UTRN: variants seen among roughly 807,000 people sequenced by gnomAD.
UTRN encodes the protein dystrophin-related protein 1.
Under a neutral mutation model 463.9 loss-of-function variants are expected in UTRN, and 283 were observed. That is an observed-to-expected ratio of 0.61 (90% CI 0.55 to 0.67). The LOEUF is 0.67. UTRN is among the 30% of genes least tolerant of loss of function. UTRN has a pLI of 0.00. For missense variants in UTRN, 3,922 were observed against 4,084.3 expected (o/e 0.96, Z 1.08); for synonymous variants, 1,442 against 1,431.5 (o/e 1.01, Z -0.17).
intron 2 of UTRN, among the ~76,000 whole-genome samples, chr6:144,304,755 A>G (rs114302015): frequency 0.06 from 9,136 of 152,144 alleles, 883 homozygotes; most frequent in African/African-American, 0.21. Flanking sequence ...TAGGAGTTTG[A>G]GTTGTATCCT....
chr6:144,636,395 G>T (rs1217026291), intron 51 of UTRN, among the ~76,000 whole-genome samples: 7 of 151,916 alleles, frequency 4.6e-5, no homozygotes, highest in Non-Finnish European at 7.4e-5. Context: ...CTGTCAGGGG[G>T]TGGGGGGCTA....
chr6:144,624,925 A>C (rs1280084153), intron 51 of UTRN, among the ~76,000 whole-genome samples: 1 of 152,124 alleles, frequency 6.6e-6, no homozygotes, highest in Non-Finnish European at 1.5e-5. Flanking sequence ...CTTTTTAGAA[A>C]AGAGAGCGGA....
intron 35 of UTRN, 94 bp from the exon 36 acceptor site, chr6:144,513,815 A>G: frequency 1.4e-6 from 2 of 1,379,622 alleles, no homozygotes; most frequent in Non-Finnish European, 2.0e-6. Flanking sequence ...TTCATGGTAC[A>G]GTTTGCTCTT....
intron 21 of UTRN, among the ~76,000 whole-genome samples, chr6:144,460,001 ATTTT>A (rs11355493): frequency 1.7e-4 from 22 of 132,852 alleles, no homozygotes; most frequent in Admixed American, 3.0e-4. Context: ...ATTTTTAAAG[ATTTT>A]TTTTTTTTTT....
chr6:144,824,935 C>A (rs566189677), intron 66 of UTRN, among the ~76,000 whole-genome samples: 111 of 152,016 alleles, frequency 7.3e-4, no homozygotes, highest in African/African-American at 2.6e-3. Context: ...GGCATCATGA[C>A]ACCACGCACA....
intron 51 of UTRN, among the ~76,000 whole-genome samples, chr6:144,589,062 A>T (rs1174251576): frequency 6.6e-6 from 1 of 152,236 alleles, no homozygotes; most frequent in Non-Finnish European, 1.5e-5. Flanking sequence ...AAAAGCAGAC[A>T]GTGCCTTTTA....
intron 58 of UTRN, among the ~76,000 whole-genome samples, chr6:144,769,309 C>T (rs996835899): frequency 7.2e-5 from 11 of 152,106 alleles, no homozygotes; most frequent in African/African-American, 2.2e-4. Flanking sequence ...CAGCCAACTG[C>T]ATTGCCTGTT....
At chr6:144,553,937 T>A (rs1157628087) in intron 48 of UTRN, among the ~76,000 whole-genome samples, 2 of 149,264 alleles carry the variant, frequency 1.3e-5, no homozygotes, top group African/African-American at 4.9e-5. Flanking sequence ...AAAAAAAAGT[T>A]TCCTTAGATC....
intron 50 of UTRN, among the ~76,000 whole-genome samples, chr6:144,570,712 G>T (rs1337211515): frequency 6.6e-6 from 1 of 152,174 alleles, no homozygotes; most frequent in Non-Finnish European, 1.5e-5. Context: ...ACCAAAGTGT[G>T]CTGCTGAAGT....
rs1300730707 is a variant in UTRN at position 144,661,598 on chromosome 6, A to T, written c.7480-16808A>T. 2.0e-5 allele frequency among the ~76,000 whole-genome samples: 3 copies of T among 152,294 alleles called. No homozygotes were observed. In the East Asian group the frequency reaches 5.8e-4, roughly 29 times the overall value. Reference sequence around the variant, plus strand: ...GAATATCTTCCTTATGGCAGCTGGTAACAGCAGGTGACAAACTTTATGACC... The same window carrying T: ...GAATATCTTCCTTATGGCAGCTGGTTACAGCAGGTGACAAACTTTATGACC... On this transcript the variant is annotated intron_variant, in intron 51 of 74. Transcript: ENST00000367545.
At chr6:144,701,902 A>C (rs962932793) in intron 53 of UTRN, among the ~76,000 whole-genome samples, 9 of 152,176 alleles carry the variant, frequency 5.9e-5, no homozygotes, top group African/African-American at 1.9e-4. Flanking sequence ...AAATAGCTCC[A>C]AGATAAGAAA....
chr6:144,538,435 C>T (rs1000821016), intron 44 of UTRN, among the ~76,000 whole-genome samples: 1 of 151,440 alleles, frequency 6.6e-6, no homozygotes. Flanking sequence ...TTTGGGAGGC[C>T]GAGGCGGGTG....
At chr6:144,839,322 G>A in intron 72 of UTRN, 38 bp downstream of exon 72, 1 of 1,512,508 alleles carries the variant, frequency 6.6e-7, no homozygotes, top group Non-Finnish European at 9.1e-7. Flanking sequence ...TGCTGAGTCT[G>A]CTTTGTGCTT....
chr6:144,771,820 T>A lies in UTRN; in HGVS notation c.8496-87T>A, dbSNP rs542441246. On this transcript the variant is annotated intron_variant, in intron 58 of 74. Coordinates refer to ENST00000367545, the MANE Select transcript of UTRN (RefSeq NM_007124.3). ...TGTATTTTTAAAAATTTGAAAAAAA[T>A]CATTTCTACTTGGGTATTTCGTTTT... is the stretch of plus-strand genomic sequence containing the variant. 5.5e-6 allele frequency: 6 copies of A among 1,088,916 alleles called. No individual in the cohort carries two copies. In the African/African-American group the frequency reaches 6.4e-5, roughly 12 times the overall value. 67.5% of individuals were successfully genotyped at this position (1,088,916 alleles called of 1,614,324 possible). A position where few individuals can be genotyped will look rare whatever the true frequency, so the allele number is the denominator to read the frequency against.
intron 65 of UTRN, among the ~76,000 whole-genome samples, chr6:144,806,538 G>A (rs191233087): frequency 6.7e-5 from 10 of 149,580 alleles, no homozygotes; most frequent in Admixed American, 1.3e-4. Context: ...GCATTTAATA[G>A]CAATGAATGA....
At chr6:144,622,890 T>C (rs939207774) in intron 51 of UTRN, among the ~76,000 whole-genome samples, 1 of 152,222 alleles carries the variant, frequency 6.6e-6, no homozygotes, top group Non-Finnish European at 1.5e-5. Context: ...CTGGATCACC[T>C]TTGTTTTTAA....
intron 54 of UTRN, among the ~76,000 whole-genome samples, chr6:144,737,067 G>A (rs1789497484): frequency 6.6e-6 from 1 of 152,114 alleles, no homozygotes; most frequent in Non-Finnish European, 1.5e-5. Context: ...CAATGTCTGT[G>A]TCTGAAGCTT....
chr6:144,610,395 CAAT>C (rs1805368722), intron 51 of UTRN, among the ~76,000 whole-genome samples: 1 of 151,932 alleles, frequency 6.6e-6, no homozygotes, highest in South Asian at 2.1e-4. Context: ...CTGAACAGAC[CAAT>C]AATAAGTAAG....
At chr6:144,778,358 A>G (rs9390219) in intron 60 of UTRN, among the ~76,000 whole-genome samples, 28,444 of 152,032 alleles carry the variant, frequency 0.19, 3,737 homozygotes, top group East Asian at 0.45. Flanking sequence ...CAAGAAGGCC[A>G]GGCCTTTATG....
Sources: allele counts gnomAD v4.1 joint callset (sites outside exome capture counted in the v4.1 genomes callset), GRCh38; gene constraint gnomAD v4.1.1; transcripts MANE v1.5; gene names NCBI Gene and HGNC (gene_info 2026-07-23, HGNC 2026-07-21).